Variants in CREBBP observed in about 807,000 individuals in gnomAD.
CREBBP encodes the protein CREB binding lysine acetyltransferase.
In CREBBP, 19 loss-of-function variants were observed where a neutral mutation model predicts 265.0. The observed-to-expected ratio is 0.07, with a 90% CI of 0.05 to 0.11. The LOEUF is 0.11. CREBBP is among the 10% of genes least tolerant of loss of function. The probability of loss-of-function intolerance (pLI) is 1.00; values close to 1 mark genes in which losing one functional copy is unlikely to be tolerated. For synonymous variants in CREBBP, 1,457 were observed against 1,223.7 expected (o/e 1.19, Z -3.98); for missense variants, 2,525 against 3,219.0 (o/e 0.78, Z 5.22).
At chr16:3,759,452 T>C (rs924514624) in intron 16 of CREBBP, among the ~76,000 whole-genome samples, 2 of 151,868 alleles carry the variant, frequency 1.3e-5, no homozygotes, top group African/African-American at 2.4e-5. Context: ...CTGGTGTGTG[T>C]CGGGGGTTCC....
chr16:3,727,819 G>A lies in CREBBP; in HGVS notation c.7228C>T (p.Pro2410Ser), dbSNP rs2151298435. The stretch of plus-strand genomic sequence containing the variant: ...CTCCTGCTGGGGGTGTTCAGCTGGG[G>A]GAGCATTGCACTCTGTTCGGGGTTC... ...LGNPEQSAML[P>S]QLNTPSRSAL... Residue 2410 changes from proline to serine, a missense_variant, in exon 31 of 31, where the codon CCC becomes TCC. Around this residue, in one of 19 missense-constraint regions of CREBBP, gnomAD observed 473 missense variants for 459.3 expected, o/e 1.03. Coordinates refer to ENST00000262367, the MANE Select transcript of CREBBP (RefSeq NM_004380.3). 6.2e-7 allele frequency: 1 copy of A among 1,614,190 alleles called. No individual in the cohort carries two copies. The highest frequency in any genetic ancestry group is 8.5e-7 in the Non-Finnish European group (1 of 1,180,044).
chr16:3,749,654 T>C lies in CREBBP; in HGVS notation c.3809A>G (p.Lys1270Arg), dbSNP rs1052212575. 1.9e-6 allele frequency: 3 copies of C among 1,605,680 alleles called. No individual in the cohort carries two copies. The highest frequency in any genetic ancestry group is 2.7e-5 in the African/African-American group (2 of 74,908). Residue 1270 changes from lysine (K) to arginine (R), a missense_variant, in exon 21 of 31, where the codon AAG (lysine) becomes AGG (arginine). This residue lies in a region of CREBBP where 252 missense variants were observed against 452.5 expected (regional missense o/e 0.56). Coordinates refer to ENST00000262367, the MANE Select transcript of CREBBP (RefSeq NM_004380.3). The part of the protein sequence containing the change: ...TTISKDQFEK[K>R]KNDTLDPEPF... ...TTCGGGGTCTAAGGTATCATTTTTC[T>C]TCTTTTCAAACTGATCCTTTGAAAT... is the stretch of plus-strand genomic sequence containing the variant.
chr16:3,876,611 AG>A (rs2055408653), intron 1 of CREBBP, among the ~76,000 whole-genome samples: 1 of 152,120 alleles, frequency 6.6e-6, no homozygotes, highest in Non-Finnish European at 1.5e-5. Context: ...ACTTATTGTA[AG>A]GGTGCCAAGT....
Position 3,791,969 on chromosome 16 carries a change from G to A in CREBBP, c.1330+12C>T, listed in dbSNP as rs754163107. ...CTCATCTCCAAGCTTCTCTGCCCCC[G>A]TGCTCACTTACTTTGTTGGTTTCGC... On this transcript the variant is annotated intron_variant, in intron 5 of 30. Transcript: ENST00000262367. 13 of 1,594,450 alleles carry A rather than the reference G, an allele frequency of 8.2e-6. No individual in the cohort carries two copies. Among genetic ancestry groups the A allele is most frequent in the South Asian group, 2.2e-5 (2 of 90,706 alleles).
At chr16:3,737,255 G>C (rs1463521983) in intron 26 of CREBBP, among the ~76,000 whole-genome samples, 1 of 152,176 alleles carries the variant, frequency 6.6e-6, no homozygotes, top group Admixed American at 6.5e-5. Flanking sequence ...TCAAGTTTCA[G>C]AAGGGAATGG....
At chr16:3,815,029 C>G (rs1041311233) in intron 2 of CREBBP, among the ~76,000 whole-genome samples, 5 of 152,180 alleles carry the variant, frequency 3.3e-5, no homozygotes, top group African/African-American at 4.8e-5. Flanking sequence ...CTGGTCCTAG[C>G]CTGCAGTTAT....
intron 2 of CREBBP, among the ~76,000 whole-genome samples, chr16:3,836,737 G>A (rs954098737): frequency 3.3e-5 from 5 of 152,132 alleles, no homozygotes; most frequent in Non-Finnish European, 7.3e-5. Context: ...ATAAAGCAAC[G>A]AAGATAATGG....
In CREBBP at chr16:3,745,443, G is replaced by A. The variant is rs752516313; in HGVS notation, c.3837-89C>T. Reference sequence around the variant, plus strand: ...AAGTCTGTGTGTGCGTCCACACCTTGTTCTCTGGGTTACTTTGAGTAGTGC... The same window carrying A: ...AAGTCTGTGTGTGCGTCCACACCTTATTCTCTGGGTTACTTTGAGTAGTGC... On this transcript the variant is annotated intron_variant, in intron 21 of 30. Transcript: ENST00000262367. The A allele has an allele frequency of 3.8e-4, 445 of 1,162,122 alleles. 1 individual carries two copies. Among genetic ancestry groups the A allele is most frequent in the Non-Finnish European group, 5.3e-4 (414 of 787,028 alleles). The allele number at this position is 1,162,122 out of a possible 1,614,324, so 72.0% of individuals were successfully genotyped here.
chr16:3,764,000 A>T (rs1182920489), intron 16 of CREBBP, among the ~76,000 whole-genome samples: 1 of 152,074 alleles, frequency 6.6e-6, no homozygotes, highest in Non-Finnish European at 1.5e-5. Flanking sequence ...GCATGCTGCC[A>T]CACCCAGCTA....
intron 1 of CREBBP, among the ~76,000 whole-genome samples, chr16:3,852,328 C>G (rs574192168): frequency 6.6e-6 from 1 of 151,148 alleles, no homozygotes; most frequent in East Asian, 2.0e-4. Flanking sequence ...ACCACCATGC[C>G]CGGCTAATTT....
chr16:3,777,814 G>A, intron 10 of CREBBP, 157 bp from the exon 11 acceptor site: 1 of 1,076,114 alleles, frequency 9.3e-7, no homozygotes, highest in Non-Finnish European at 1.4e-6. Flanking sequence ...AGCGCACCCT[G>A]TAAAGGGCCT....
rs2052170811 is a variant in CREBBP, at chr16:3,740,294, G to C, written c.4133+105C>G. 2.8e-6 allele frequency: 4 copies of C among 1,431,500 alleles called. No homozygotes were observed. In the Admixed American group the frequency reaches 6.8e-5, roughly 24 times the overall value. The allele number at this position is 1,431,500 out of a possible 1,614,324, so 88.7% of individuals were successfully genotyped here. ...TACTGCACGCATTCGCTGCTGCAAA[G>C]TCTTGGAAGGATGACCTCAAACTCA... is the stretch of plus-strand genomic sequence containing the variant. On this transcript the variant is annotated intron_variant, in intron 24 of 30. Transcript: ENST00000262367.
chr16:3,745,888 T>TACAC (rs775526024), intron 21 of CREBBP, among the ~76,000 whole-genome samples: 1 of 152,242 alleles, frequency 6.6e-6, no homozygotes, highest in Non-Finnish European at 1.5e-5. Context: ...AAAGGTGGAA[T>TACAC]GTGTCAGGCC....
intron 1 of CREBBP, among the ~76,000 whole-genome samples, chr16:3,875,692 C>A (rs1049211644): frequency 6.6e-6 from 1 of 152,172 alleles, no homozygotes; most frequent in Admixed American, 6.5e-5. Context: ...ATATATAGAG[C>A]TACGGACTTT....
At chr16:3,772,328 A>AACACACACACAC (rs34060381) in intron 13 of CREBBP, among the ~76,000 whole-genome samples, 27 of 145,256 alleles carry the variant, frequency 1.9e-4, no homozygotes, top group African/African-American at 3.6e-4. Context: ...CTGAAACACA[A>AACACACACACAC]ACACACACAC....
chr16:3,729,934 C>T (rs1176692097), intron 30 of CREBBP, 60 bp from the exon 31 acceptor site: 4 of 1,584,998 alleles, frequency 2.5e-6, no homozygotes, highest in Non-Finnish European at 3.4e-6. Context: ...CACCAGGCAT[C>T]CTGGCTGCTT....
chr16:3,736,974 G>A (rs1031632577), intron 26 of CREBBP, 159 bp from the exon 27 acceptor site: 29 of 869,640 alleles, frequency 3.3e-5, no homozygotes, highest in South Asian at 2.7e-4. Context: ...GGCAAGGCTC[G>A]AACTTTATCC....
rs796743710 is a variant in CREBBP, at chr16:3,796,387, CTT to C, written c.976-2763_976-2762del. ...TGTGGTGCCACCTAACTGGCTTGTA[CTT>C]TTTTTTTTTTTTTTGAGACGGGAGT... On this transcript the variant is annotated intron_variant, in intron 3 of 30. Coordinates refer to ENST00000262367, the MANE Select transcript of CREBBP (RefSeq NM_004380.3). Among the ~76,000 whole-genome samples the C allele has an allele frequency of 7.2e-3, 1,000 of 139,222 alleles. 10 individuals carry two copies. Among genetic ancestry groups the C allele is most frequent in the Middle Eastern group, 0.019 (5 of 268 alleles). 91.3% of individuals were successfully genotyped at this position (139,222 alleles called of 152,430 possible).
chr16:3,868,005 T>A lies in CREBBP; in HGVS notation c.85+11827A>T, dbSNP rs557083760. 2.6e-5 allele frequency among the ~76,000 whole-genome samples: 4 copies of A among 152,224 alleles called. No individual in the cohort carries two copies. The South Asian group carries it at 6.2e-4, about 24-fold the overall frequency. ...TAACATTTCCAACAGCTCTGAGATA[T>A]GTATCAGTCTGAAAGGCACTGATAG... On this transcript the variant is annotated intron_variant, in intron 1 of 30. Coordinates refer to ENST00000262367, the MANE Select transcript of CREBBP (RefSeq NM_004380.3).
Sources: allele counts gnomAD v4.1 joint callset (sites outside exome capture counted in the v4.1 genomes callset), GRCh38; gene constraint gnomAD v4.1.1; regional missense constraint gnomAD v4.1.1; transcripts MANE v1.5; gene names NCBI Gene and HGNC (gene_info 2026-07-23, HGNC 2026-07-21).